ADGRL3: variants seen among roughly 807,000 people sequenced by gnomAD.
ADGRL3 encodes the protein calcium-independent alpha-latrotoxin receptor 3.
Under a neutral mutation model 153.5 loss-of-function variants are expected in ADGRL3, and 62 were observed. The observed-to-expected ratio is 0.40, with a 90% CI of 0.33 to 0.50. The LOEUF (loss-of-function observed/expected upper bound fraction) is 0.50. Ranked by LOEUF, ADGRL3 falls within the 20% of genes least tolerant of loss-of-function variation. The probability of loss-of-function intolerance (pLI) is 0.47; values close to 1 mark genes in which losing one functional copy is unlikely to be tolerated. For missense variants in ADGRL3, 1,641 were observed against 1,859.4 expected (o/e 0.88, Z 2.16); for synonymous variants, 710 against 672.5 (o/e 1.06, Z -0.86).
intron 1 of ADGRL3, among the ~76,000 whole-genome samples, chr4:61,357,826 C>T (rs2096206511): frequency 6.6e-6 from 1 of 151,840 alleles, no homozygotes; most frequent in Admixed American, 6.6e-5. Context: ...TAAAATGGAA[C>T]ACTTCTATGA....
At chr4:61,537,567 A>T (rs1254908701) in intron 4 of ADGRL3, among the ~76,000 whole-genome samples, 1 of 152,094 alleles carries the variant, frequency 6.6e-6, no homozygotes, top group Non-Finnish European at 1.5e-5. Flanking sequence ...TTTGTTCATT[A>T]AAAAAATCTT....
At chr4:61,922,166 CAGGTCTAGAG>C (rs764319778) in intron 13 of ADGRL3, among the ~76,000 whole-genome samples, 2 of 152,118 alleles carry the variant, frequency 1.3e-5, no homozygotes, top group Admixed American at 6.5e-5. Context: ...TAAATATTTA[CAGGTCTAGAG>C]AGACCCACAA....
chr4:61,574,184 C>G lies in ADGRL3; in HGVS notation c.260-13043C>G, dbSNP rs114971588. On this transcript the variant is annotated intron_variant, in intron 4 of 26. Transcript: ENST00000683033. Reference sequence around the variant, plus strand: ...CTCCATCAGACCTAAACTAAACCATCAGCATTACTAGAAAGATAATTAAAA... The same window carrying G: ...CTCCATCAGACCTAAACTAAACCATGAGCATTACTAGAAAGATAATTAAAA... Among the ~76,000 whole-genome samples the G allele has an allele frequency of 1.6e-3, 248 of 151,988 alleles. 2 individuals carry two copies. Among genetic ancestry groups the G allele is most frequent in the African/African-American group, 5.9e-3 (245 of 41,526 alleles).
chr4:61,548,791 G>A (rs934386296), intron 4 of ADGRL3, among the ~76,000 whole-genome samples: 2 of 151,550 alleles, frequency 1.3e-5, no homozygotes, highest in African/African-American at 4.8e-5. Flanking sequence ...ATTTAGGATT[G>A]CCTTGGCTAT....
intron 2 of ADGRL3, among the ~76,000 whole-genome samples, chr4:61,407,237 G>A (rs965567607): frequency 1.3e-5 from 2 of 151,872 alleles, no homozygotes; most frequent in African/African-American, 4.8e-5. Context: ...GATTGCAGCC[G>A]CATGAAAAAA....
intron 4 of ADGRL3, among the ~76,000 whole-genome samples, chr4:61,524,743 G>A (rs335321): frequency 0.79 from 120,574 of 152,048 alleles, 48,497 homozygotes; most frequent in East Asian, 0.94. Flanking sequence ...GTTCCCCACT[G>A]CTGTTTATCC....
chr4:61,371,972 T>C (rs561519676), intron 1 of ADGRL3, among the ~76,000 whole-genome samples: 52 of 152,350 alleles, frequency 3.4e-4, no homozygotes, highest in African/African-American at 1.3e-3. Flanking sequence ...TTGCTTCATT[T>C]CATTCATTTC....
intron 5 of ADGRL3, among the ~76,000 whole-genome samples, chr4:61,676,467 T>C (rs2095196971): frequency 6.6e-6 from 1 of 152,134 alleles, no homozygotes. Flanking sequence ...AAAATACTTT[T>C]TTTTTTGTAC....
intron 9 of ADGRL3, among the ~76,000 whole-genome samples, chr4:61,869,567 C>T (rs566358685): frequency 4.0e-5 from 6 of 151,656 alleles, no homozygotes; most frequent in African/African-American, 7.3e-5. Context: ...CACTGCAGTC[C>T]GCAGTCTGGC....
chr4:61,501,599 T>G (rs1030108907), intron 3 of ADGRL3, among the ~76,000 whole-genome samples: 2 of 152,174 alleles, frequency 1.3e-5, no homozygotes, highest in African/African-American at 4.8e-5. Flanking sequence ...ATTACTAATA[T>G]CTAAATAAAA....
chr4:61,523,212 C>G (rs1292253314), intron 4 of ADGRL3, among the ~76,000 whole-genome samples: 1 of 152,006 alleles, frequency 6.6e-6, no homozygotes, highest in Admixed American at 6.6e-5. Flanking sequence ...ACATTATAGT[C>G]TGAAGTGTGT....
intron 8 of ADGRL3, among the ~76,000 whole-genome samples, chr4:61,761,650 C>G (rs1390864013): frequency 6.6e-6 from 1 of 152,132 alleles, no homozygotes; most frequent in African/African-American, 2.4e-5. Flanking sequence ...TAAAATTTAG[C>G]CAGGCATGGT....
At chr4:61,645,654 C>T (rs1560991103) in intron 5 of ADGRL3, among the ~76,000 whole-genome samples, 1 of 152,148 alleles carries the variant, frequency 6.6e-6, no homozygotes, top group African/African-American at 2.4e-5. Context: ...CCGAGAGATC[C>T]ACTGTTAGTC....
chr4:61,630,675 C>CAGCT (rs1203188253), intron 5 of ADGRL3, among the ~76,000 whole-genome samples: 1 of 152,214 alleles, frequency 6.6e-6, no homozygotes, highest in Admixed American at 6.5e-5. Flanking sequence ...AAATCAGCTA[C>CAGCT]AGCTGGCTAG....
chr4:61,997,884 G>A (rs1157303633), intron 20 of ADGRL3, among the ~76,000 whole-genome samples: 1 of 152,098 alleles, frequency 6.6e-6, no homozygotes, highest in African/African-American at 2.4e-5. Flanking sequence ...ACATGCACTA[G>A]ACTTTGAATT....
intron 1 of ADGRL3, among the ~76,000 whole-genome samples, chr4:61,217,638 A>G (rs779015612): frequency 1.1e-4 from 16 of 152,218 alleles, no homozygotes; most frequent in Non-Finnish European, 2.2e-4. Flanking sequence ...GTGGTCAGGC[A>G]CTGAAGATTT....
At chr4:61,716,281 C>T (rs1211857075) in intron 6 of ADGRL3, among the ~76,000 whole-genome samples, 2 of 152,056 alleles carry the variant, frequency 1.3e-5, no homozygotes, top group African/African-American at 4.8e-5. Context: ...CTCATTGACC[C>T]TTTTCTAAAT....
At chr4:61,464,661 A>C (rs1402709293) in intron 2 of ADGRL3, among the ~76,000 whole-genome samples, 2 of 152,164 alleles carry the variant, frequency 1.3e-5, no homozygotes, top group African/African-American at 4.8e-5. Flanking sequence ...CATAATACCC[A>C]TTTTAACGTT....
intron 1 of ADGRL3, among the ~76,000 whole-genome samples, chr4:61,264,037 GT>G (rs574877096): frequency 4.9e-4 from 75 of 151,996 alleles, no homozygotes; most frequent in African/African-American, 1.8e-3. Flanking sequence ...TTTTCAGGAA[GT>G]TTTCTTAATA....
Sources: allele counts gnomAD v4.1 joint callset (sites outside exome capture counted in the v4.1 genomes callset), GRCh38; gene constraint gnomAD v4.1.1; transcripts MANE v1.5; gene names NCBI Gene and HGNC (gene_info 2026-07-23, HGNC 2026-07-21).